Variants in PLCB1 observed in about 807,000 individuals in gnomAD.
PLCB1 encodes phospholipase C beta 1.
A neutral mutation model predicts 161.8 loss-of-function variants in PLCB1; 46 were observed. That is an observed-to-expected ratio of 0.28 (90% CI 0.22 to 0.36). The LOEUF is 0.36. PLCB1 is among the 10% of genes least tolerant of loss of function. PLCB1 has a pLI of 1.00. For missense variants in PLCB1, 1,016 were observed against 1,472.5 expected (o/e 0.69, Z 5.07); for synonymous variants, 517 against 503.7 (o/e 1.03, Z -0.35).
chr20:8,786,865 G>A (rs1470350713), intron 27 of PLCB1, among the ~76,000 whole-genome samples: 1 of 151,894 alleles, frequency 6.6e-6, no homozygotes, highest in Non-Finnish European at 1.5e-5. Context: ...CACCAGGCCT[G>A]GCTAACTTTC....
intron 3 of PLCB1, among the ~76,000 whole-genome samples, chr20:8,449,110 C>A (rs1390645575): frequency 6.6e-6 from 1 of 152,002 alleles, no homozygotes; most frequent in Admixed American, 6.6e-5. Flanking sequence ...ATGAGCATTG[C>A]CAGTAGTAAA....
chr20:8,511,453 T>A (rs1165149836), intron 3 of PLCB1, among the ~76,000 whole-genome samples: 1 of 152,220 alleles, frequency 6.6e-6, no homozygotes, highest in Non-Finnish European at 1.5e-5. Flanking sequence ...TTCCATATCT[T>A]GCCTGTTGTG....
At position 8,197,567 on chromosome 20, in the gene PLCB1, TC is replaced by T. The variant is rs530234821; in HGVS notation, c.177+47197del. 9.2e-4 allele frequency among the ~76,000 whole-genome samples: 140 copies of T among 152,330 alleles called. 2 individuals are homozygous for T. Among genetic ancestry groups the T allele is most frequent in the South Asian group, 8.7e-3 (42 of 4,828 alleles). ...GTAGATTCTGGATATTAGCCCTTTG[TC>T]AGATGAGTAGATTGCAAAAATTTTC... On this transcript the variant is annotated intron_variant, in intron 2 of 31. Coordinates refer to ENST00000338037, the MANE Select transcript of PLCB1 (RefSeq NM_015192.4).
chr20:8,462,391 TA>T (rs1981619795), intron 3 of PLCB1, among the ~76,000 whole-genome samples: 1 of 152,206 alleles, frequency 6.6e-6, no homozygotes, highest in Non-Finnish European at 1.5e-5. Flanking sequence ...TAGGTTGAAC[TA>T]GGGGCATCGC....
intron 27 of PLCB1, among the ~76,000 whole-genome samples, chr20:8,787,372 A>G (rs774458448): frequency 8.6e-5 from 13 of 151,848 alleles, no homozygotes; most frequent in Non-Finnish European, 1.3e-4. Flanking sequence ...TTTTCCGGGG[A>G]CTCCCTTATA....
At position 8,684,091 on chromosome 20, in the gene PLCB1, A is replaced by G. The variant is rs546240167; in HGVS notation, c.863-841A>G. On this transcript the variant is annotated intron_variant, in intron 9 of 31. Transcript: ENST00000338037. ...AGTAGAGACGAGGTTTCACCGTGTT[A>G]GCCAGGATGGTCTCGATCTCCTGAC... Among the ~76,000 whole-genome samples, 326 of 151,934 alleles carry G rather than the reference A, an allele frequency of 2.1e-3. 4 individuals carry two copies. Among genetic ancestry groups the G allele is most frequent in the South Asian group, 0.017 (84 of 4,812 alleles).
At chr20:8,134,042 T>G (rs1191754221) in intron 1 of PLCB1, among the ~76,000 whole-genome samples, 1 of 152,210 alleles carries the variant, frequency 6.6e-6, no homozygotes, top group Non-Finnish European at 1.5e-5. Context: ...ACAGCTTCCT[T>G]GAAAGCTCGT....
intron 2 of PLCB1, among the ~76,000 whole-genome samples, chr20:8,161,212 ATAG>A (rs1483664254): frequency 2.0e-5 from 3 of 152,178 alleles, no homozygotes; most frequent in Non-Finnish European, 4.4e-5. Context: ...ATAGTCTATA[ATAG>A]TATGTATATA....
chr20:8,665,212 TA>T (rs1480942663), intron 9 of PLCB1, among the ~76,000 whole-genome samples: 1 of 152,222 alleles, frequency 6.6e-6, no homozygotes, highest in African/African-American at 2.4e-5. Context: ...TAAAGCCATT[TA>T]ACTTCTTTGA....
At chr20:8,572,285 C>T (rs1448606625) in intron 3 of PLCB1, among the ~76,000 whole-genome samples, 2 of 152,126 alleles carry the variant, frequency 1.3e-5, no homozygotes, top group Admixed American at 6.5e-5. Context: ...GCCTTCTGTA[C>T]CTTCAGCTTA....
chr20:8,538,591 C>T (rs1257709868), intron 3 of PLCB1, among the ~76,000 whole-genome samples: 1 of 152,092 alleles, frequency 6.6e-6, no homozygotes, highest in African/African-American at 2.4e-5. Flanking sequence ...TTAAGTGATC[C>T]TCCTGCCTTG....
chr20:8,541,596 G>GAAAT (rs1317360202), intron 3 of PLCB1, among the ~76,000 whole-genome samples: 219 of 150,542 alleles, frequency 1.5e-3, no homozygotes, highest in African/African-American at 2.5e-3. Flanking sequence ...AAGAAAGAAA[G>GAAAT]AAAGAAAGAA....
At position 8,608,643 on chromosome 20, in the gene PLCB1, A is replaced by C. The variant is rs111501343; in HGVS notation, c.247-19651A>C. Among the ~76,000 whole-genome samples, 1,205 of 152,312 alleles carry C rather than the reference A, an allele frequency of 7.9e-3. 12 individuals are homozygous for C. Among genetic ancestry groups the C allele is most frequent in the African/African-American group, 0.027 (1,118 of 41,562 alleles). On this transcript the variant is annotated intron_variant, in intron 3 of 31. Coordinates refer to ENST00000338037, the MANE Select transcript of PLCB1 (RefSeq NM_015192.4). The stretch of plus-strand genomic sequence containing the variant: ...TATTTTCCTGCATAAGACACTAATG[A>C]CTTTTATAAAATGTTTCATAAATGT...
rs1988085207 is a variant in PLCB1, at chr20:8,883,932, A to T, written c.*2083A>T. 6.6e-6 allele frequency: 1 copy of T among 152,640 alleles called. No homozygotes were observed. The highest frequency in any genetic ancestry group is 2.4e-5 in the African/African-American group (1 of 41,542). 9.5% of individuals were successfully genotyped at this position (152,640 alleles called of 1,614,324 possible). On this transcript the variant is annotated 3_prime_UTR_variant, in exon 32 of 32. Coordinates refer to ENST00000338037, the MANE Select transcript of PLCB1 (RefSeq NM_015192.4). ...TGCATTTTTATAAACAAAATTACAGACTGTCTGAAATTGAAGAAGAATGAA... is the reference window on the plus strand; with the variant it reads ...TGCATTTTTATAAACAAAATTACAGTCTGTCTGAAATTGAAGAAGAATGAA...
At chr20:8,591,314 C>A (rs1184889771) in intron 3 of PLCB1, among the ~76,000 whole-genome samples, 6 of 152,086 alleles carry the variant, frequency 3.9e-5, no homozygotes, top group Admixed American at 1.3e-4. Context: ...CATTATTCTG[C>A]CTACCACATG....
chr20:8,373,803 G>A (rs929803898), intron 3 of PLCB1, among the ~76,000 whole-genome samples: 2 of 152,180 alleles, frequency 1.3e-5, no homozygotes, highest in African/African-American at 4.8e-5. Flanking sequence ...AGGGATCAGA[G>A]GAGGGGCTTA....
At chr20:8,611,832 G>A (rs1337927183) in intron 3 of PLCB1, among the ~76,000 whole-genome samples, 3 of 152,116 alleles carry the variant, frequency 2.0e-5, no homozygotes, top group Non-Finnish European at 4.4e-5. Context: ...TGCAGTCCTA[G>A]CTACTCGGGA....
chr20:8,608,247 G>T (rs1479911999), intron 3 of PLCB1, among the ~76,000 whole-genome samples: 2 of 152,102 alleles, frequency 1.3e-5, no homozygotes, highest in African/African-American at 4.8e-5. Flanking sequence ...TAAATAATAT[G>T]TGTAACTTAA....
rs148537383 is a variant in PLCB1 at position 8,590,068 on chromosome 20, C to G, written c.247-38226C>G. ...AATTTCGGGTGGGGACATAAACATT[C>G]AGTTCATTGTAGTCCCACTTAAACT... is the stretch of plus-strand genomic sequence containing the variant. On this transcript the variant is annotated intron_variant, in intron 3 of 31. Transcript: ENST00000338037. Among the ~76,000 whole-genome samples the G allele has an allele frequency of 3.0e-3, 452 of 152,226 alleles. 3 individuals are homozygous for G. Among genetic ancestry groups the G allele is most frequent in the African/African-American group, 0.01 (430 of 41,534 alleles).
Sources: gnomAD v4.1 joint callset for allele counts (sites outside exome capture counted in the v4.1 genomes callset) on GRCh38, gnomAD v4.1.1 for gene constraint, MANE v1.5 for transcripts, NCBI Gene and HGNC (gene_info 2026-07-23, HGNC 2026-07-21) for gene names.